The following SLC35F3 variants were observed in gnomAD, a reference collection of about 807,000 sequenced individuals.
SLC35F3 encodes the protein solute carrier family 35 member F3, also known as putative thiamine transporter SLC35F3.
SLC35F3 carries 25 observed loss-of-function variants against 49.9 expected under a neutral mutation model. The ratio of observed to expected loss-of-function variants is 0.50; its 90% CI spans 0.37 to 0.70. SLC35F3 has a LOEUF of 0.70. Among genes scored for constraint, SLC35F3 ranks in the 30% least tolerant of loss-of-function variants. The pLI, the probability that SLC35F3 is intolerant of heterozygous loss-of-function variation, is 0.00. For missense variants in SLC35F3, 525 were observed against 639.8 expected, an observed-to-expected ratio of 0.82 and a Z score of 1.94; for synonymous variants, 275 against 265.4, an observed-to-expected ratio of 1.04 and a Z score of -0.35.
intron 2 of SLC35F3, among the ~76,000 whole-genome samples, chr1:234,025,844 T>G (rs1663969315): frequency 6.6e-6 from 1 of 151,400 alleles, no homozygotes; most frequent in Non-Finnish European, 1.5e-5. Flanking sequence ...AATTTTTGTT[T>G]TGTTGCTTTT....
At chr1:234,281,854 A>C (rs1483588210) in intron 3 of SLC35F3, among the ~76,000 whole-genome samples, 3 of 151,834 alleles carry the variant, frequency 2.0e-5, no homozygotes, top group African/African-American at 7.3e-5. Context: ...GGTAGAGTAC[A>C]TTGTGAAGAC....
intron 2 of SLC35F3, among the ~76,000 whole-genome samples, chr1:234,016,196 T>A (rs1663800316): frequency 6.6e-6 from 1 of 152,176 alleles, no homozygotes; most frequent in South Asian, 2.1e-4. Flanking sequence ...GCACTGTTGA[T>A]GGGAGTGTGA....
At chr1:233,906,441 A>T (rs1337351944) in intron 2 of SLC35F3, among the ~76,000 whole-genome samples, 2 of 152,182 alleles carry the variant, frequency 1.3e-5, no homozygotes, top group African/African-American at 4.8e-5. Flanking sequence ...ACATTATCTT[A>T]TGTCACCAGG....
chr1:234,025,898 G>A (rs556502148), intron 2 of SLC35F3, among the ~76,000 whole-genome samples: 1 of 152,236 alleles, frequency 6.6e-6, no homozygotes, highest in African/African-American at 2.4e-5. Flanking sequence ...TGTCCAGAAT[G>A]GTAGTTCCTG....
chr1:234,207,649 A>G (rs570980633), intron 2 of SLC35F3, among the ~76,000 whole-genome samples: 1 of 151,974 alleles, frequency 6.6e-6, no homozygotes, highest in African/African-American at 2.4e-5. Flanking sequence ...CATCTCTTTT[A>G]TAAACCAATT....
At chr1:234,145,275 T>C (rs780644656) in intron 2 of SLC35F3, among the ~76,000 whole-genome samples, 2 of 152,218 alleles carry the variant, frequency 1.3e-5, no homozygotes, top group Non-Finnish European at 2.9e-5. Flanking sequence ...TAGTCTCATA[T>C]TGAAGTGAGT....
chr1:233,948,166 C>G (rs1662544137), intron 2 of SLC35F3, among the ~76,000 whole-genome samples: 1 of 149,556 alleles, frequency 6.7e-6, no homozygotes, highest in African/African-American at 2.5e-5. Flanking sequence ...TGTGTCCATA[C>G]TCCCTGGAAC....
chr1:234,058,041 C>T (rs2102860945), intron 2 of SLC35F3, among the ~76,000 whole-genome samples: 1 of 152,156 alleles, frequency 6.6e-6, no homozygotes, highest in East Asian at 1.9e-4. Flanking sequence ...GGGAAGGCAT[C>T]CATTCTTTCA....
intron 2 of SLC35F3, among the ~76,000 whole-genome samples, chr1:233,979,212 G>A (rs1663140788): frequency 6.6e-6 from 1 of 152,128 alleles, no homozygotes; most frequent in South Asian, 2.1e-4. Flanking sequence ...CTTCAGGAAG[G>A]TACCTGGCCT....
At chr1:234,104,235 C>T (rs1256218351) in intron 2 of SLC35F3, among the ~76,000 whole-genome samples, 1 of 152,022 alleles carries the variant, frequency 6.6e-6, no homozygotes, top group African/African-American at 2.4e-5. Context: ...AAATAGTCAC[C>T]TACAATAACT....
At chr1:234,309,966 G>A (rs1200416710) in intron 4 of SLC35F3, among the ~76,000 whole-genome samples, 1 of 152,116 alleles carries the variant, frequency 6.6e-6, no homozygotes, top group Non-Finnish European at 1.5e-5. Context: ...TACATTAGAA[G>A]CTAGTCAAAG....
intron 2 of SLC35F3, among the ~76,000 whole-genome samples, chr1:234,159,503 G>A (rs1211720104): frequency 6.6e-6 from 1 of 150,386 alleles, no homozygotes; most frequent in Non-Finnish European, 1.5e-5. Context: ...CTTGAACCCG[G>A]GAGGCAGAGG....
At chr1:233,964,286 C>T (rs1310864150) in intron 2 of SLC35F3, among the ~76,000 whole-genome samples, 1 of 152,180 alleles carries the variant, frequency 6.6e-6, no homozygotes, top group Admixed American at 6.5e-5. Context: ...GTGAGGCGTG[C>T]TCAAAATGCA....
At chr1:234,095,917 T>C (rs1219089342) in intron 2 of SLC35F3, among the ~76,000 whole-genome samples, 1 of 152,254 alleles carries the variant, frequency 6.6e-6, no homozygotes, top group Non-Finnish European at 1.5e-5. Flanking sequence ...GCTATTACTG[T>C]TGTAATCAGT....
At chr1:233,989,250 T>C (rs1008385915) in intron 2 of SLC35F3, among the ~76,000 whole-genome samples, 10 of 152,222 alleles carry the variant, frequency 6.6e-5, no homozygotes, top group African/African-American at 2.4e-4. Context: ...CTGGCTAGTT[T>C]CATTACAACA....
intron 2 of SLC35F3, among the ~76,000 whole-genome samples, chr1:234,103,601 T>A (rs1287374830): frequency 1.3e-5 from 2 of 152,206 alleles, no homozygotes; most frequent in Non-Finnish European, 2.9e-5. Flanking sequence ...TAGTAGCTCT[T>A]ATAATGATTC....
intron 2 of SLC35F3, among the ~76,000 whole-genome samples, chr1:234,168,447 G>A (rs941240152): frequency 6.6e-6 from 1 of 152,212 alleles, no homozygotes; most frequent in Admixed American, 6.5e-5. Flanking sequence ...TAATAAAGTG[G>A]AGGTGCAGGA....
rs147276968 is a variant in SLC35F3 at position 234,279,348 on chromosome 1, G to A, written c.609-29753G>A. Among the ~76,000 whole-genome samples the A allele has an allele frequency of 2.3e-3, 356 of 152,246 alleles. 1 individual carries two copies. Among genetic ancestry groups the A allele is most frequent in the Admixed American group, 4.2e-3 (64 of 15,296 alleles). Reference sequence around the variant, plus strand: ...TTCCCAGCTTGACTTTTCCCTTTAGGTTAGTGATTTTGGGGCCCCAAGATT... The same window carrying A: ...TTCCCAGCTTGACTTTTCCCTTTAGATTAGTGATTTTGGGGCCCCAAGATT... On this transcript the variant is annotated intron_variant, in intron 3 of 7. Coordinates refer to ENST00000366618, the MANE Select transcript of SLC35F3 (RefSeq NM_173508.4).
intron 2 of SLC35F3, among the ~76,000 whole-genome samples, chr1:234,014,169 CA>C (rs1453612387): frequency 1.5e-4 from 23 of 152,266 alleles, no homozygotes; most frequent in African/African-American, 5.5e-4. Flanking sequence ...TCCTGCGATG[CA>C]AGGATGGTTC....
Sources: gnomAD v4.1 joint callset for allele counts (sites outside exome capture counted in the v4.1 genomes callset) on GRCh38, gnomAD v4.1.1 for gene constraint, MANE v1.5 for transcripts, NCBI Gene and HGNC (gene_info 2026-07-23, HGNC 2026-07-21) for gene names.